Variants in PLCE1 observed in about 807,000 individuals in gnomAD.
The protein encoded by PLCE1 is phospholipase C epsilon 1, also known as 1-phosphatidylinositol 4,5-bisphosphate phosphodiesterase epsilon-1.
In PLCE1, 119 loss-of-function variants were observed where a neutral mutation model predicts 242.8. That is an observed-to-expected ratio of 0.49 (90% CI 0.42 to 0.57). The LOEUF (loss-of-function observed/expected upper bound fraction) is 0.57, where lower values mean the gene tolerates loss of function less well. Ranked by LOEUF, PLCE1 falls within the 20% of genes least tolerant of loss-of-function variation. The probability of loss-of-function intolerance (pLI) is 0.00; values close to 1 mark genes in which losing one functional copy is unlikely to be tolerated. For synonymous variants in PLCE1, 945 were observed against 1,017.4 expected, an observed-to-expected ratio of 0.93 and a Z score of 1.35; for missense variants, 2,441 against 2,788.8, an observed-to-expected ratio of 0.88 and a Z score of 2.81.
chr10:94,139,453 C>T (rs1199883786), intron 3 of PLCE1: 4 of 160,554 alleles, frequency 2.5e-5, no homozygotes, highest in Non-Finnish European at 5.8e-5. Context: ...GCAGAGAAGA[C>T]CAAGGAGAAG....
chr10:94,024,156 C>T (rs2061421373), intron 1 of PLCE1, among the ~76,000 whole-genome samples: 1 of 152,146 alleles, frequency 6.6e-6, no homozygotes, highest in Admixed American at 6.6e-5. Context: ...GAAAGGATTG[C>T]TTAGGCAAAA....
Position 94,032,157 on chromosome 10 carries a change from C to A in PLCE1, c.1111C>A (p.Pro371Thr), listed in dbSNP as rs867723144. Residue 371 changes from proline (P) to threonine (T), a missense_variant, in exon 2 of 33, where the codon CCC becomes ACC. Physicochemically the swap from Pro to Thr is conservative, Grantham distance 38. Transcript: ENST00000371380. ...TTACATAGATCAGAAGAGAAATGGT[C>A]CCTTACTGCCTTGTGGGAGAGTAAT... ...WSYIDQKRNG[P>T]LLPCGRVMEP... The A allele has an allele frequency of 6.2e-7, 1 of 1,609,396 alleles. No homozygotes were observed. The highest frequency in any genetic ancestry group is 2.2e-5 in the East Asian group (1 of 44,832).
intron 3 of PLCE1, among the ~76,000 whole-genome samples, chr10:94,153,453 C>T (rs1268535720): frequency 6.6e-6 from 1 of 152,140 alleles, no homozygotes; most frequent in Non-Finnish European, 1.5e-5. Flanking sequence ...GCAAAACCCA[C>T]AGCTGACATC....
At chr10:94,292,154 T>A (rs2052664927) in intron 22 of PLCE1, among the ~76,000 whole-genome samples, 1 of 152,326 alleles carries the variant, frequency 6.6e-6, no homozygotes, top group African/African-American at 2.4e-5. Flanking sequence ...AGTCTAAGTT[T>A]GTGCATGTTT....
At chr10:94,188,017 C>T (rs943530277) in intron 4 of PLCE1, among the ~76,000 whole-genome samples, 2 of 152,096 alleles carry the variant, frequency 1.3e-5, no homozygotes, top group African/African-American at 4.8e-5. Context: ...TGCCCCCTTC[C>T]CTAGGTACTC....
intron 2 of PLCE1, among the ~76,000 whole-genome samples, chr10:94,068,893 C>T (rs1463454398): frequency 2.0e-5 from 3 of 152,244 alleles, no homozygotes; most frequent in African/African-American, 2.4e-5. Flanking sequence ...TCTTCCTCTA[C>T]TCGACCACAA....
At chr10:94,221,056 C>A (rs765904357) in intron 4 of PLCE1, among the ~76,000 whole-genome samples, 47 of 152,222 alleles carry the variant, frequency 3.1e-4, no homozygotes, top group Admixed American at 4.6e-4. Context: ...GACGCCTGAT[C>A]TGACTCAAGG....
chr10:94,156,327 A>G (rs575987025), intron 3 of PLCE1, among the ~76,000 whole-genome samples: 2 of 152,324 alleles, frequency 1.3e-5, no homozygotes, highest in Admixed American at 6.5e-5. Flanking sequence ...TCAGACACCA[A>G]TCACAAGTCC....
At chr10:94,003,116 T>G (rs929015512) in intron 1 of PLCE1, among the ~76,000 whole-genome samples, 2 of 152,326 alleles carry the variant, frequency 1.3e-5, no homozygotes, top group Admixed American at 6.5e-5. Context: ...GGTAGAGAAT[T>G]ATATTACCCA....
At position 94,319,867 on chromosome 10, in the gene PLCE1, T is replaced by TC. The variant is rs1332426394; in HGVS notation, c.6343-2034_6343-2033insC. Among the ~76,000 whole-genome samples the TC allele has an allele frequency of 3.4e-4, 41 of 118,972 alleles. No homozygotes were observed. The South Asian group carries it at 0.011, about 32-fold the overall frequency. 78.1% of individuals were successfully genotyped at this position (118,972 alleles called of 152,430 possible). On this transcript the variant is annotated intron_variant, in intron 29 of 32. Transcript: ENST00000371380. ...CTGAGGGAGGCTCAAAGGTGCTCTTTTTTTTTTTTTTTTTTTTTTTGAGAT... is the reference window on the plus strand; with the variant it reads ...CTGAGGGAGGCTCAAAGGTGCTCTTTCTTTTTTTTTTTTTTTTTTTTGAGAT...
intron 2 of PLCE1, among the ~76,000 whole-genome samples, chr10:94,097,583 T>G (rs543746551): frequency 1.8e-4 from 28 of 152,256 alleles, no homozygotes; most frequent in African/African-American, 6.5e-4. Flanking sequence ...CAGTGAGCTA[T>G]GAAAGGTAGT....
intron 3 of PLCE1, among the ~76,000 whole-genome samples, chr10:94,141,548 T>G (rs35248390): frequency 1.1e-5 from 1 of 90,264 alleles, no homozygotes; most frequent in Non-Finnish European, 2.3e-5. Context: ...AAGGGAAGGC[T>G]AAGGGAAGGT....
At chr10:94,089,932 A>G (rs2135351137) in intron 2 of PLCE1, among the ~76,000 whole-genome samples, 1 of 152,328 alleles carries the variant, frequency 6.6e-6, no homozygotes, top group African/African-American at 2.4e-5. Flanking sequence ...CAAACATTTG[A>G]TAGCATCCCT....
chr10:94,115,181 G>T, intron 2 of PLCE1, among the ~76,000 whole-genome samples: 1 of 152,080 alleles, frequency 6.6e-6, no homozygotes, highest in East Asian at 1.9e-4. Flanking sequence ...TGGACATTTG[G>T]GTTGGTTCCA....
intron 32 of PLCE1, among the ~76,000 whole-genome samples, chr10:94,327,432 C>G (rs2054066867): frequency 6.6e-6 from 1 of 151,280 alleles, no homozygotes; most frequent in Admixed American, 6.6e-5. Flanking sequence ...CCATCTCTAC[C>G]AAAAAATATA....
At chr10:94,128,826 G>A (rs996547966) in intron 2 of PLCE1, among the ~76,000 whole-genome samples, 1 of 152,102 alleles carries the variant, frequency 6.6e-6, no homozygotes, top group African/African-American at 2.4e-5. Flanking sequence ...GGCCAGGTGT[G>A]GTCACTAAAG....
At chr10:94,268,186 C>A (rs2051583460) in intron 16 of PLCE1, among the ~76,000 whole-genome samples, 1 of 152,190 alleles carries the variant, frequency 6.6e-6, no homozygotes. Context: ...AAATAGGTAT[C>A]AGCTCATCTG....
At chr10:94,255,914 A>ACACACACACACT (rs1284531207) in intron 11 of PLCE1, among the ~76,000 whole-genome samples, 5 of 67,328 alleles carry the variant, frequency 7.4e-5, no homozygotes, top group East Asian at 6.6e-4. Context: ...ACACACACAC[A>ACACACACACACT]CTCTCTCTCT....
intron 4 of PLCE1, among the ~76,000 whole-genome samples, chr10:94,172,493 A>G (rs951834817): frequency 6.6e-6 from 1 of 152,196 alleles, no homozygotes; most frequent in African/African-American, 2.4e-5. Flanking sequence ...TGAGTCATAT[A>G]TATCTCTGAT....
Sources: gnomAD v4.1 joint callset for allele counts (sites outside exome capture counted in the v4.1 genomes callset) on GRCh38, gnomAD v4.1.1 for gene constraint, MANE v1.5 for transcripts, NCBI Gene and HGNC (gene_info 2026-07-23, HGNC 2026-07-21) for gene names.